The following NLRP2 variants were observed in gnomAD, a reference collection of about 807,000 sequenced individuals.
NLRP2 encodes the protein NACHT, LRR and PYD domains-containing protein 2.
In NLRP2, 107 loss-of-function variants were observed where a neutral mutation model predicts 97.2. The observed-to-expected ratio is 1.10, with a 90% CI of 0.94 to 1.29. NLRP2 has a LOEUF of 1.29. NLRP2 is among the 50% of genes most tolerant of loss of function. The pLI, the probability that NLRP2 is intolerant of heterozygous loss-of-function variation, is 0.00. For synonymous variants in NLRP2, 663 were observed against 551.5 expected (o/e 1.20, Z -2.83); for missense variants, 1,495 against 1,330.3 (o/e 1.12, Z -1.93).
At chr19:54,992,583 T>C (rs1452813424) in intron 10 of NLRP2, among the ~76,000 whole-genome samples, 1 of 147,818 alleles carries the variant, frequency 6.8e-6, no homozygotes, top group Non-Finnish European at 1.5e-5. Flanking sequence ...GGTTTTTTTT[T>C]TTTGATAGTC....
chr19:54,975,474 TAG>T lies in NLRP2; in HGVS notation c.325+933_325+934del, dbSNP rs1295013143. Among the ~76,000 whole-genome samples, 7 of 141,810 alleles carry T rather than the reference TAG, an allele frequency of 4.9e-5. 1 individual carries two copies. The highest frequency in any genetic ancestry group is 1.1e-4 in the African/African-American group (4 of 36,838). The allele number at this position is 141,810 out of a possible 152,430, so 93.0% of individuals were successfully genotyped here. A position where few individuals can be genotyped will look rare whatever the true frequency, so the allele number is the denominator to read the frequency against. ...ATTATTATTTTTTTTTTTTTTGAGA[TAG>T]AGTCTCTCTCTGTTGCCCAGGCTGG... On this transcript the variant is annotated intron_variant, in intron 3 of 12. Transcript: ENST00000448584.
In NLRP2 at chr19:54,982,323, G is replaced by A; in HGVS notation, c.625G>A (p.Val209Met). The A allele has an allele frequency of 1.2e-6, 2 of 1,614,106 alleles. No homozygotes were observed. Among genetic ancestry groups the A allele is most frequent in the Non-Finnish European group, 1.7e-6 (2 of 1,180,018 alleles). ...RVLPGPFSYT[V>M]VLYGPAGLGK... ...GCTTCCCGGGCCCTTCTCATACACG[G>A]TGGTGCTGTATGGTCCTGCAGGCCT... Residue 209 changes from valine (V) to methionine (M), a missense_variant, in exon 6 of 13, where the codon GTG becomes ATG. By Grantham distance (21) the Val-to-Met change is conservative. Transcript: ENST00000448584.
chr19:54,998,631 C>CTTTTTTTTTT (rs1179005483), intron 12 of NLRP2, among the ~76,000 whole-genome samples: 17 of 61,122 alleles, frequency 2.8e-4, no homozygotes, highest in East Asian at 4.8e-4. Flanking sequence ...TTTTTTTTTC[C>CTTTTTTTTTT]TTTTTTTTTT....
chr19:54,976,001 G>C (rs2146379768), intron 3 of NLRP2, among the ~76,000 whole-genome samples: 1 of 151,956 alleles, frequency 6.6e-6, no homozygotes, highest in East Asian at 1.9e-4. Flanking sequence ...CTCCCACCTT[G>C]GCCTCCCAAA....
intron 1 of NLRP2, among the ~76,000 whole-genome samples, chr19:54,967,194 GT>G (rs1262524537): frequency 1.3e-5 from 2 of 152,072 alleles, no homozygotes; most frequent in African/African-American, 4.8e-5. Flanking sequence ...TAGAAATTAA[GT>G]GGTTCTGCCT....
intron 8 of NLRP2, 47 bp from the exon 9 acceptor site, chr19:54,989,975 A>G (rs377451217): frequency 3.1e-4 from 483 of 1,571,334 alleles, no homozygotes; most frequent in Middle Eastern, 4.4e-4. Flanking sequence ...AGTGAGACTC[A>G]GTCTCAAAAA....
intron 1 of NLRP2, among the ~76,000 whole-genome samples, chr19:54,968,097 T>C (rs552746800): frequency 6.6e-6 from 1 of 152,136 alleles, no homozygotes; most frequent in African/African-American, 2.4e-5. Context: ...TTCGTATTTT[T>C]AGTCGATATA....
Position 54,983,660 on chromosome 19 carries a change from A to G in NLRP2, c.1962A>G (p.Ser654=), listed in dbSNP as rs748674567. 342 of 1,613,604 alleles carry G rather than the reference A, an allele frequency of 2.1e-4. 2 individuals are homozygous for G. In the Admixed American group the frequency reaches 5.7e-3, roughly 27 times the overall value. Reference sequence around the variant, plus strand: ...ACTGTCGAAACCTGCAGAAAATGTCACTGCAGGTAATAAAGGAGAATCTCC... The same window carrying G: ...ACTGTCGAAACCTGCAGAAAATGTCGCTGCAGGTAATAAAGGAGAATCTCC... ...VKHCRNLQKM[S]LQVIKENLPE... is the part of the protein sequence containing the mutation. The change falls in exon 6 of 13, where the codon TCA becomes TCG. Residue 654 remains serine, a synonymous_variant. Transcript: ENST00000448584.
At chr19:54,979,229 C>T (rs1447138197) in intron 4 of NLRP2, among the ~76,000 whole-genome samples, 3 of 152,116 alleles carry the variant, frequency 2.0e-5, no homozygotes. Context: ...AAGTGATCCA[C>T]CTACCTCGGT....
rs61735082 is a variant in NLRP2 at position 54,983,244 on chromosome 19, A to G, written c.1546A>G (p.Thr516Ala). ...FQQFLTALFYTLEKEEEEDRD... is the reference protein window; with the variant it reads ...FQQFLTALFYALEKEEEEDRD... ...GCAGTTTCTCACTGCCCTGTTCTAC[A>G]CCCTGGAGAAGGAGGAGGAAGAGGA... Residue 516 changes from threonine to alanine, a missense_variant, in exon 6 of 13, where the codon ACC becomes GCC. Transcript: ENST00000448584. The G allele has an allele frequency of 8.9e-3, 14,036 of 1,577,990 alleles. 347 individuals are homozygous for G. Among genetic ancestry groups the G allele is most frequent in the Admixed American group, 9.4e-3 (560 of 59,338 alleles).
chr19:54,982,702 C>T lies in NLRP2; in HGVS notation c.1004C>T (p.Thr335Ile). Reference sequence around the variant, plus strand: ...TTACCCAAGGCCGCCCTGCTGGTCACCACGCGGCCCAGGGCCCTGAGGGAC... The same window carrying T: ...TTACCCAAGGCCGCCCTGCTGGTCATCACGCGGCCCAGGGCCCTGAGGGAC... Reference protein sequence around the residue: ...VMLPKAALLVTTRPRALRDLR... With the variant: ...VMLPKAALLVITRPRALRDLR... The change falls in exon 6 of 13, where the codon ACC becomes ATC. Residue 335 changes from threonine to isoleucine, a missense_variant. Coordinates refer to ENST00000448584, the MANE Select transcript of NLRP2 (RefSeq NM_017852.5). 1 of 1,614,062 alleles carries T rather than the reference C, an allele frequency of 6.2e-7. No individual in the cohort carries two copies.
intron 10 of NLRP2, among the ~76,000 whole-genome samples, chr19:54,992,158 C>T (rs992963872): frequency 2.0e-5 from 3 of 151,758 alleles, no homozygotes; most frequent in African/African-American, 4.8e-5. Flanking sequence ...ATGATCCGCC[C>T]GCCTCAGCCT....
intron 6 of NLRP2, 74 bp from the exon 7 acceptor site, chr19:54,984,973 G>T (rs1247157103): frequency 7.0e-6 from 10 of 1,433,920 alleles, no homozygotes; most frequent in Admixed American, 3.3e-5. Context: ...AGGGGTATAT[G>T]CCCAGAGAAA....
rs141541961 is a variant in NLRP2, at chr19:54,974,342, C to T, written c.281-158C>T. 613 of 709,040 alleles carry T rather than the reference C, an allele frequency of 8.6e-4. 2 individuals are homozygous for T. The African/African-American group carries it at 1.0e-2, about 12-fold the overall frequency. The allele number at this position is 709,040 out of a possible 1,614,324, so 43.9% of individuals were successfully genotyped here. On this transcript the variant is annotated intron_variant, in intron 2 of 12. Transcript: ENST00000448584. ...CCAGCCTGGGCAACAGAGTGACACT[C>T]TGTCTCAAAAAAAAAAGATGCAAGC...
intron 10 of NLRP2, chr19:54,993,514 T>C (rs1462299750): frequency 6.5e-6 from 1 of 153,962 alleles, no homozygotes; most frequent in East Asian, 1.9e-4. Context: ...ACCAGATATG[T>C]TGGAGTGTGA....
intron 1 of NLRP2, among the ~76,000 whole-genome samples, chr19:54,967,968 G>A (rs148603879): frequency 0.01 from 1,566 of 149,250 alleles, 10 homozygotes; most frequent in Non-Finnish European, 0.016. Context: ...TCCCAGGCTG[G>A]AGTACAGTGG....
At position 54,990,003 on chromosome 19, in the gene NLRP2, G is replaced by T. The variant is rs745584290; in HGVS notation, c.2367-19G>T. The T allele has an allele frequency of 1.9e-6, 3 of 1,610,416 alleles. No homozygotes were observed. The South Asian group carries it at 3.3e-5, about 18-fold the overall frequency. ...CTCAAAAAAAAAAAAAAAATGACGT[G>T]GTCCTATTTCTCCCACAGGTTGGTG... is the stretch of plus-strand genomic sequence containing the variant. On this transcript the variant is annotated intron_variant, in intron 8 of 12. Coordinates refer to ENST00000448584, the MANE Select transcript of NLRP2 (RefSeq NM_017852.5).
rs567116746 is a variant in NLRP2 at position 54,977,861 on chromosome 19, G to T, written c.397+38G>T. 4.8e-4 allele frequency: 767 copies of T among 1,583,194 alleles called. 5 individuals are homozygous for T. Among genetic ancestry groups the T allele is most frequent in the Middle Eastern group, 6.6e-4 (4 of 6,022 alleles). Reference sequence around the variant, plus strand: ...ACCTCCAATGTTGGAGTCAGCTGAGGAAGCCCCCCGTTCTTGCTGCTATCT... The same window carrying T: ...ACCTCCAATGTTGGAGTCAGCTGAGTAAGCCCCCCGTTCTTGCTGCTATCT... On this transcript the variant is annotated intron_variant, in intron 4 of 12. Transcript: ENST00000448584.
In NLRP2 at chr19:54,973,044, A is replaced by G. The variant is rs572839827; in HGVS notation, c.281-1456A>G. Among the ~76,000 whole-genome samples, 11 of 152,076 alleles carry G rather than the reference A, an allele frequency of 7.2e-5. No individual in the cohort carries two copies. In the East Asian group the frequency reaches 1.9e-3, roughly 27 times the overall value. Reference sequence around the variant, plus strand: ...TCTCTACTAAAAATATAAAAAAATCAGCCGGGCGTGGTGGCACACTCCTGT... The same window carrying G: ...TCTCTACTAAAAATATAAAAAAATCGGCCGGGCGTGGTGGCACACTCCTGT... On this transcript the variant is annotated intron_variant, in intron 2 of 12. Coordinates refer to ENST00000448584, the MANE Select transcript of NLRP2 (RefSeq NM_017852.5).
Sources: allele counts gnomAD v4.1 joint callset (sites outside exome capture counted in the v4.1 genomes callset), GRCh38; gene constraint gnomAD v4.1.1; transcripts MANE v1.5; gene names NCBI Gene and HGNC (gene_info 2026-07-23, HGNC 2026-07-21).